The following TGFB2 variants were observed in gnomAD, a reference collection of about 807,000 sequenced individuals.
The protein encoded by TGFB2 is transforming growth factor beta 2.
In TGFB2, 13 loss-of-function variants were observed where a neutral mutation model predicts 42.7. The observed-to-expected ratio is 0.30, with a 90% CI of 0.20 to 0.48. The LOEUF (loss-of-function observed/expected upper bound fraction) is 0.48, where lower values mean the gene tolerates loss of function less well. Ranked by LOEUF, TGFB2 falls within the 20% of genes least tolerant of loss-of-function variation. TGFB2 has a pLI of 0.99. For missense variants in TGFB2, 390 were observed against 517.5 expected (o/e 0.75, Z 2.39); for synonymous variants, 193 against 193.6 (o/e 1.00, Z 0.03).
chr1:218,361,070 G>A (rs977492180), intron 1 of TGFB2, among the ~76,000 whole-genome samples: 1 of 152,188 alleles, frequency 6.6e-6, no homozygotes, highest in Non-Finnish European at 1.5e-5. Flanking sequence ...GGCCAGGCTG[G>A]TCTCAAACTC....
At chr1:218,425,891 G>A (rs923868166) in intron 2 of TGFB2, among the ~76,000 whole-genome samples, 9 of 152,224 alleles carry the variant, frequency 5.9e-5, no homozygotes, top group Non-Finnish European at 1.2e-4. Context: ...AGGTCAGGCA[G>A]ATCTGAGAGA....
intron 1 of TGFB2, among the ~76,000 whole-genome samples, chr1:218,400,953 TGA>T (rs1343396285): frequency 6.6e-6 from 1 of 152,162 alleles, no homozygotes; most frequent in Non-Finnish European, 1.5e-5. Flanking sequence ...GGCACAGGGC[TGA>T]GGTCCCCAGC....
At chr1:218,415,419 G>T (rs903913520) in intron 2 of TGFB2, among the ~76,000 whole-genome samples, 4 of 152,106 alleles carry the variant, frequency 2.6e-5, no homozygotes, top group African/African-American at 7.2e-5. Flanking sequence ...AGCAGGCCGG[G>T]CGCGGTGGCT....
chr1:218,417,461 C>T (rs1283792714), intron 2 of TGFB2, among the ~76,000 whole-genome samples: 1 of 152,152 alleles, frequency 6.6e-6, no homozygotes, highest in African/African-American at 2.4e-5. Flanking sequence ...CTGTTAAAGG[C>T]ATTCAGTTTT....
At position 218,346,951 on chromosome 1, in the gene TGFB2, C is replaced by A; in HGVS notation, c.250C>A (p.Arg84=). ...GGACTTGCTCCAGGAGAAGGCGAGC[C>A]GGAGGGCGGCCGCCTGCGAGCGCGA... ...TRDLLQEKAS[R]RAAACERERS... The change falls in exon 1 of 7, where the codon CGG becomes AGG. Residue 84 remains arginine (R), a synonymous_variant. Coordinates refer to ENST00000366930, the MANE Select transcript of TGFB2 (RefSeq NM_003238.6). This position sits in a 1 kb window ranked among gnomAD's most constrained non-coding sequence, Gnocchi z 4.9. 6.2e-7 allele frequency: 1 copy of A among 1,613,990 alleles called. No individual in the cohort carries two copies. Among genetic ancestry groups the A allele is most frequent in the South Asian group, 1.1e-5 (1 of 91,062 alleles).
At chr1:218,397,488 C>A (rs940211259) in intron 1 of TGFB2, among the ~76,000 whole-genome samples, 2 of 148,896 alleles carry the variant, frequency 1.3e-5, no homozygotes, top group Admixed American at 6.7e-5. Context: ...GGCGTGAACC[C>A]GGGAGGCTGA....
chr1:218,378,397 G>A (rs1472583063), intron 1 of TGFB2, among the ~76,000 whole-genome samples: 6 of 152,114 alleles, frequency 3.9e-5, no homozygotes, highest in Non-Finnish European at 7.4e-5. Context: ...GGCTGGTTTC[G>A]AAGTCCTGAC....
chr1:218,406,192 T>TACACACACACAC (rs35504165), intron 2 of TGFB2, among the ~76,000 whole-genome samples: 3 of 148,984 alleles, frequency 2.0e-5, no homozygotes, highest in African/African-American at 7.4e-5. Context: ...ACCCACTCAA[T>TACACACACACAC]ACACACACAC....
At position 218,347,002 on chromosome 1, in the gene TGFB2, A is replaced by C. The variant is rs766401610; in HGVS notation, c.301A>C (p.Lys101Gln). The C allele has an allele frequency of 6.2e-7, 1 of 1,610,148 alleles. No homozygotes were observed. The highest frequency in any genetic ancestry group is 1.7e-5 in the Admixed American group (1 of 59,316). Residue 101 changes from lysine (K) to glutamine (Q), a missense_variant, in exon 1 of 7, where the codon AAG (lysine) becomes CAG (glutamine). Coordinates refer to ENST00000366930, the MANE Select transcript of TGFB2 (RefSeq NM_003238.6). ...GAGGAGCGACGAAGAGTACTACGCC[A>C]AGGAGGTTTACAAAATAGACATGCC... ...RERSDEEYYA[K>Q]EVYKIDMPPF... is the part of the protein sequence containing the mutation.
intron 1 of TGFB2, among the ~76,000 whole-genome samples, chr1:218,374,833 G>A (rs914846187): frequency 1.3e-5 from 2 of 152,162 alleles, no homozygotes; most frequent in Non-Finnish European, 1.5e-5. Flanking sequence ...TGCTGTCACT[G>A]GAGTTATAAA....
intron 1 of TGFB2, among the ~76,000 whole-genome samples, chr1:218,366,339 C>T (rs562258789): frequency 6.6e-5 from 10 of 152,086 alleles, no homozygotes; most frequent in South Asian, 2.1e-4. Flanking sequence ...GACAAGGTCT[C>T]TCTGTTGTCC....
intron 1 of TGFB2, among the ~76,000 whole-genome samples, chr1:218,378,238 G>A (rs901994955): frequency 1.8e-4 from 28 of 152,210 alleles, no homozygotes; most frequent in Non-Finnish European, 4.0e-4. Flanking sequence ...GTGCAATGGT[G>A]CGATCTTAGC....
At chr1:218,434,952 C>A (rs1659924078) in intron 4 of TGFB2, among the ~76,000 whole-genome samples, 1 of 152,056 alleles carries the variant, frequency 6.6e-6, no homozygotes, top group African/African-American at 2.4e-5. Context: ...AAGTGGGTTC[C>A]TTATCAGAAT....
chr1:218,375,381 C>G (rs1003811319), intron 1 of TGFB2, among the ~76,000 whole-genome samples: 2 of 146,764 alleles, frequency 1.4e-5, no homozygotes, highest in Non-Finnish European at 3.0e-5. Context: ...TGTGTAACAT[C>G]GAGAAAGTCA....
intron 1 of TGFB2, among the ~76,000 whole-genome samples, chr1:218,377,303 T>C (rs1253629154): frequency 6.6e-6 from 1 of 152,224 alleles, no homozygotes; most frequent in Non-Finnish European, 1.5e-5. Flanking sequence ...CCTCTTTAGC[T>C]GGTACAGGAC....
At chr1:218,438,632 T>C (rs1660049137) in intron 6 of TGFB2, among the ~76,000 whole-genome samples, 2 of 152,206 alleles carry the variant, frequency 1.3e-5, no homozygotes, top group South Asian at 4.1e-4. Context: ...TTTTATCAAG[T>C]TGTTTCAATG....
At chr1:218,431,066 T>A (rs1302000096) in intron 2 of TGFB2, among the ~76,000 whole-genome samples, 1 of 152,198 alleles carries the variant, frequency 6.6e-6, no homozygotes, top group African/African-American at 2.4e-5. Flanking sequence ...GGCCATGAAG[T>A]TCAAGACAAC....
chr1:218,381,264 T>TC (rs1029572237), intron 1 of TGFB2, among the ~76,000 whole-genome samples: 3 of 150,340 alleles, frequency 2.0e-5, no homozygotes, highest in Middle Eastern at 3.4e-3. Context: ...TTTTGTTTTT[T>TC]TTTTTTTTTG....
intron 1 of TGFB2, among the ~76,000 whole-genome samples, chr1:218,381,994 A>G (rs896525714): frequency 6.6e-6 from 1 of 152,218 alleles, no homozygotes; most frequent in African/African-American, 2.4e-5. Flanking sequence ...CCATCTGATG[A>G]ATAAATTTTA....
Sources: allele counts gnomAD v4.1 joint callset (sites outside exome capture counted in the v4.1 genomes callset), GRCh38; gene constraint gnomAD v4.1.1; non-coding constraint Gnocchi (gnomAD v3.1); transcripts MANE v1.5; gene names NCBI Gene and HGNC (gene_info 2026-07-23, HGNC 2026-07-21).